CRYBG1: variants seen among roughly 807,000 people sequenced by gnomAD.
The protein encoded by CRYBG1 is crystallin beta-gamma domain containing 1, also known as beta/gamma crystallin domain-containing protein 1.
Under a neutral mutation model 189.2 loss-of-function variants are expected in CRYBG1, and 139 were observed. The ratio of observed to expected loss-of-function variants is 0.73; its 90% CI spans 0.64 to 0.85. CRYBG1 has a LOEUF of 0.85. CRYBG1 is among the 40% of genes least tolerant of loss of function. The pLI is 0.00. For synonymous variants in CRYBG1, 1,023 were observed against 1,017.1 expected (o/e 1.01, Z -0.11); for missense variants, 2,611 against 2,675.8 (o/e 0.98, Z 0.53).
At chr6:106,517,839 CAG>C in intron 3 of CRYBG1, among the ~76,000 whole-genome samples, 1 of 152,270 alleles carries the variant, frequency 6.6e-6, no homozygotes, top group South Asian at 2.1e-4. Flanking sequence ...GAATGCCAAA[CAG>C]AGCACATTTT....
intron 2 of CRYBG1, among the ~76,000 whole-genome samples, chr6:106,468,912 T>G (rs545989078): frequency 6.6e-6 from 1 of 152,370 alleles, no homozygotes; most frequent in African/African-American, 2.4e-5. Flanking sequence ...TATGCTTCTT[T>G]GTACACAGAT....
rs192173839 is a variant in CRYBG1 at position 106,430,986 on chromosome 6, C to G, written c.174-20708C>G. Reference sequence around the variant, plus strand: ...AAGTGATTCTCATGCCTCAGCCTCCCGAGTGGCTGGGACTACAGGTGTGTA... The same window carrying G: ...AAGTGATTCTCATGCCTCAGCCTCCGGAGTGGCTGGGACTACAGGTGTGTA... On this transcript the variant is annotated intron_variant, in intron 1 of 21. Transcript: ENST00000633556. 8.7e-4 allele frequency among the ~76,000 whole-genome samples: 132 copies of G among 152,178 alleles called. No homozygotes were observed. The Middle Eastern group carries it at 0.017, about 20-fold the overall frequency.
intron 1 of CRYBG1, among the ~76,000 whole-genome samples, chr6:106,382,427 G>A (rs72947626): frequency 0.13 from 20,321 of 152,090 alleles, 1,510 homozygotes; most frequent in Admixed American, 0.22. Flanking sequence ...CCAGTTATTA[G>A]CATCATTCCT....
At chr6:106,381,739 T>C (rs1770294030) in intron 1 of CRYBG1, among the ~76,000 whole-genome samples, 1 of 152,162 alleles carries the variant, frequency 6.6e-6, no homozygotes, top group Non-Finnish European at 1.5e-5. Flanking sequence ...CTGCCAGTCA[T>C]TGGTTAAGGG....
intron 2 of CRYBG1, among the ~76,000 whole-genome samples, chr6:106,494,087 A>G (rs1772786474): frequency 1.3e-5 from 2 of 152,250 alleles, no homozygotes; most frequent in Non-Finnish European, 2.9e-5. Flanking sequence ...TACAACATAG[A>G]TAACCTTGAA....
At position 106,468,773 on chromosome 6, in the gene CRYBG1, A is replaced by T. The variant is rs1317403034; in HGVS notation, c.312+16941A>T. 1.2e-4 allele frequency among the ~76,000 whole-genome samples: 18 copies of T among 152,272 alleles called. 1 individual carries two copies. On this transcript the variant is annotated intron_variant, in intron 2 of 21. Coordinates refer to ENST00000633556, the MANE Select transcript of CRYBG1 (RefSeq NM_001371242.2). ...ATGTGATACATGAAATGCACACAAA[A>T]AATCATTTGTCATTATTTTTCCCAA...
In CRYBG1 at chr6:106,543,491, A is replaced by G; in HGVS notation, c.4933A>G (p.Thr1645Ala). The G allele has an allele frequency of 1.2e-6, 2 of 1,614,066 alleles. No homozygotes were observed. Among genetic ancestry groups the G allele is most frequent in the Non-Finnish European group, 1.7e-6 (2 of 1,179,942 alleles). The stretch of plus-strand genomic sequence containing the variant: ...TGAAGGAAAATGTGTGGAACTAGAA[A>G]CAGGAATGTGTAGTTTTGTCATGGA... ...FFEGKCVELE[T>A]GMCSFVMEGG... is the part of the protein sequence containing the mutation. The change falls in exon 11 of 22, where the codon ACA becomes GCA. Residue 1645 changes from threonine (T) to alanine (A), a missense_variant. By Grantham distance (58) the Thr-to-Ala change is moderately conservative. Transcript: ENST00000633556.
intron 1 of CRYBG1, among the ~76,000 whole-genome samples, chr6:106,403,565 T>C (rs1770763515): frequency 6.6e-6 from 1 of 152,252 alleles, no homozygotes; most frequent in Non-Finnish European, 1.5e-5. Context: ...ACCTTTTTAA[T>C]TGTAACCAAC....
chr6:106,511,827 C>G lies in CRYBG1; in HGVS notation c.710C>G (p.Pro237Arg), dbSNP rs1773266263. The G allele has an allele frequency of 6.6e-7, 1 of 1,518,704 alleles. No individual in the cohort carries two copies. The highest frequency in any genetic ancestry group is 8.8e-7 in the Non-Finnish European group (1 of 1,135,914). 94.1% of individuals were successfully genotyped at this position (1,518,704 alleles called of 1,614,324 possible). A position where few individuals can be genotyped will look rare whatever the true frequency, so the allele number is the denominator to read the frequency against. ...GAAAATGATTCACCCCAATTAGAAC[C>G]TCTGGAGGCAGAGGGAGAGCCTTTC... ...CHENDSPQLE[P>R]LEAEGEPFPD... Residue 237 changes from proline (P) to arginine (R), a missense_variant, in exon 3 of 22, where the codon CCT (proline) becomes CGT (arginine). This residue lies in a region of CRYBG1 where 985 missense variants were observed against 924.4 expected (regional missense o/e 1.07). Coordinates refer to ENST00000633556, the MANE Select transcript of CRYBG1 (RefSeq NM_001371242.2).
intron 1 of CRYBG1, among the ~76,000 whole-genome samples, chr6:106,361,806 G>A (rs1374517381): frequency 1.3e-5 from 2 of 152,046 alleles, no homozygotes; most frequent in African/African-American, 2.4e-5. Context: ...AAGTAACAGC[G>A]TATTTACATG....
chr6:106,504,467 G>A (rs1773085392), intron 2 of CRYBG1, among the ~76,000 whole-genome samples: 1 of 151,984 alleles, frequency 6.6e-6, no homozygotes, highest in African/African-American at 2.4e-5. Context: ...AGTAACAGAG[G>A]TTCATAGTTC....
intron 1 of CRYBG1, chr6:106,420,566 C>A (rs1278830096): frequency 6.6e-6 from 1 of 152,200 alleles, no homozygotes; most frequent in Non-Finnish European, 1.5e-5. Context: ...AGCTTAACTT[C>A]CCTTTGGCAT....
At chr6:106,542,489 A>G (rs1433712376) in intron 10 of CRYBG1, among the ~76,000 whole-genome samples, 1 of 151,708 alleles carries the variant, frequency 6.6e-6, no homozygotes, top group Admixed American at 6.6e-5. Context: ...CATATTGCCC[A>G]GGTTGGTCTC....
At chr6:106,374,743 G>T (rs1057204968) in intron 1 of CRYBG1, among the ~76,000 whole-genome samples, 1 of 152,068 alleles carries the variant, frequency 6.6e-6, no homozygotes, top group Admixed American at 6.6e-5. Context: ...ATAATGTAAA[G>T]ATATGCATAT....
chr6:106,510,537 T>C (rs1773228120), intron 2 of CRYBG1, among the ~76,000 whole-genome samples: 1 of 152,204 alleles, frequency 6.6e-6, no homozygotes, highest in African/African-American at 2.4e-5. Flanking sequence ...CACCCTCGCA[T>C]AGGTGGGCCG....
intron 4 of CRYBG1, among the ~76,000 whole-genome samples, chr6:106,524,653 GGTT>G (rs747324874): frequency 6.6e-6 from 1 of 152,096 alleles, no homozygotes; most frequent in Non-Finnish European, 1.5e-5. Flanking sequence ...TTAGACTAGT[GGTT>G]GTTATATGAT....
At chr6:106,361,647 C>T (rs1771871422) in intron 1 of CRYBG1, among the ~76,000 whole-genome samples, 1 of 152,176 alleles carries the variant, frequency 6.6e-6, no homozygotes, top group Non-Finnish European at 1.5e-5. Context: ...GAGCCAGTGG[C>T]AGAGCTAGAG....
At chr6:106,515,577 A>G (rs908903763) in intron 3 of CRYBG1, among the ~76,000 whole-genome samples, 8 of 152,134 alleles carry the variant, frequency 5.3e-5, no homozygotes, top group African/African-American at 1.9e-4. Context: ...AACTGATAGC[A>G]AATTGAAGCT....
At chr6:106,398,782 C>T (rs1485579284) in intron 1 of CRYBG1, among the ~76,000 whole-genome samples, 2 of 152,100 alleles carry the variant, frequency 1.3e-5, no homozygotes, top group East Asian at 3.8e-4. Context: ...CTTCTTAGTC[C>T]CTCTGTCACA....
Sources: allele counts gnomAD v4.1 joint callset (sites outside exome capture counted in the v4.1 genomes callset), GRCh38; gene constraint gnomAD v4.1.1; regional missense constraint gnomAD v4.1.1; transcripts MANE v1.5; gene names NCBI Gene and HGNC (gene_info 2026-07-23, HGNC 2026-07-21).